Variants in PPP2R2B observed in about 807,000 individuals in gnomAD.
PPP2R2B encodes protein phosphatase 2 regulatory subunit Bbeta, also known as serine/threonine-protein phosphatase 2A 55 kDa regulatory subunit B beta isoform.
Under a neutral mutation model 46.0 loss-of-function variants are expected in PPP2R2B, and 5 were observed. That is an observed-to-expected ratio of 0.11 (90% CI 0.06 to 0.23). The LOEUF (loss-of-function observed/expected upper bound fraction) is 0.23. Ranked by LOEUF, PPP2R2B falls within the 10% of genes least tolerant of loss-of-function variation. The pLI, the probability that PPP2R2B is intolerant of heterozygous loss-of-function variation, is 1.00. For synonymous variants in PPP2R2B, 215 were observed against 206.7 expected, an observed-to-expected ratio of 1.04 and a Z score of -0.34; for missense variants, 367 against 575.0, an observed-to-expected ratio of 0.64 and a Z score of 3.70.
At chr5:146,908,439 A>C (rs549824748) in intron 1 of PPP2R2B, among the ~76,000 whole-genome samples, 133 of 152,110 alleles carry the variant, frequency 8.7e-4, no homozygotes, top group Non-Finnish European at 1.6e-3. Flanking sequence ...TTCAATATGT[A>C]TATTTTTCAA....
intron 1 of PPP2R2B, among the ~76,000 whole-genome samples, chr5:147,026,608 C>T (rs1373912663): frequency 6.6e-6 from 1 of 151,932 alleles, no homozygotes; most frequent in Admixed American, 6.6e-5. Context: ...GCCAACTATA[C>T]CTCAACAAAT....
At chr5:146,841,623 G>A (rs1006919049) in intron 2 of PPP2R2B, among the ~76,000 whole-genome samples, 3 of 152,196 alleles carry the variant, frequency 2.0e-5, no homozygotes, top group African/African-American at 7.2e-5. Context: ...ATGAGTTCAT[G>A]TCCTTTGCAG....
At chr5:146,938,476 G>T (rs1451802883) in intron 1 of PPP2R2B, among the ~76,000 whole-genome samples, 1 of 151,802 alleles carries the variant, frequency 6.6e-6, no homozygotes, top group East Asian at 1.9e-4. Context: ...TAAGTCTGTG[G>T]GTTCAGTTTT....
intron 1 of PPP2R2B, among the ~76,000 whole-genome samples, chr5:146,940,761 C>T (rs2151828962): frequency 6.6e-6 from 1 of 152,258 alleles, no homozygotes; most frequent in South Asian, 2.1e-4. Context: ...CATACATATC[C>T]TCCCCATGCA....
chr5:146,639,401 AT>A (rs1355296254), intron 6 of PPP2R2B, among the ~76,000 whole-genome samples: 2 of 152,044 alleles, frequency 1.3e-5, no homozygotes, highest in Non-Finnish European at 2.9e-5. Context: ...ATCCTTGTAT[AT>A]TGGAATGAAA....
intron 2 of PPP2R2B, among the ~76,000 whole-genome samples, chr5:146,813,727 C>A (rs765981752): frequency 6.6e-6 from 1 of 152,156 alleles, no homozygotes; most frequent in African/African-American, 2.4e-5. Flanking sequence ...GCTGTCTGAA[C>A]GAGTTTGCCT....
intron 1 of PPP2R2B, among the ~76,000 whole-genome samples, chr5:146,944,917 A>T (rs993229856): frequency 5.9e-5 from 9 of 152,192 alleles, no homozygotes; most frequent in Admixed American, 5.9e-4. Context: ...ATTAGTGATT[A>T]GATCAGCTTC....
chr5:146,599,707 G>T (rs1771587643), intron 8 of PPP2R2B, among the ~76,000 whole-genome samples: 1 of 152,158 alleles, frequency 6.6e-6, no homozygotes. Flanking sequence ...ATGCAGGTTT[G>T]TTACATATGT....
At chr5:146,815,367 T>A (rs2151326072) in intron 2 of PPP2R2B, among the ~76,000 whole-genome samples, 1 of 152,360 alleles carries the variant, frequency 6.6e-6, no homozygotes, top group East Asian at 1.9e-4. Flanking sequence ...CATTGTATGC[T>A]TATTGAGAGC....
chr5:146,808,958 GGT>G (rs35023590), intron 2 of PPP2R2B, among the ~76,000 whole-genome samples: 22,860 of 146,154 alleles, frequency 0.16, 1,952 homozygotes, highest in Non-Finnish European at 0.2. Context: ...TGCTAACACT[GGT>G]GTGTGTGTGT....
At chr5:146,901,659 G>A (rs1277431455) in intron 1 of PPP2R2B, among the ~76,000 whole-genome samples, 1 of 152,088 alleles carries the variant, frequency 6.6e-6, no homozygotes, top group Non-Finnish European at 1.5e-5. Context: ...TCCTCATGAA[G>A]CTTTCAGTCT....
intron 2 of PPP2R2B, among the ~76,000 whole-genome samples, chr5:146,724,708 G>A (rs1751741489): frequency 1.3e-5 from 2 of 151,964 alleles, no homozygotes; most frequent in Non-Finnish European, 2.9e-5. Context: ...GCAGGAGCTG[G>A]GCTGATCTTG....
chr5:146,622,504 C>T (rs563850296), intron 7 of PPP2R2B, among the ~76,000 whole-genome samples: 50 of 152,282 alleles, frequency 3.3e-4, no homozygotes, highest in African/African-American at 1.2e-3. Context: ...TTCATTAAAG[C>T]CAAGTTTCCA....
intron 2 of PPP2R2B, among the ~76,000 whole-genome samples, chr5:146,764,227 G>T (rs537499688): frequency 1.3e-5 from 2 of 152,236 alleles, no homozygotes; most frequent in South Asian, 4.1e-4. Context: ...AGTCTGGAGG[G>T]GGGTGGGCAG....
At chr5:146,964,805 G>A (rs1752330651) in intron 1 of PPP2R2B, among the ~76,000 whole-genome samples, 1 of 152,098 alleles carries the variant, frequency 6.6e-6, no homozygotes, top group South Asian at 2.1e-4. Flanking sequence ...GATTACAGGT[G>A]TGAGCCACCG....
chr5:146,690,605 A>G (rs1397393180), intron 5 of PPP2R2B, among the ~76,000 whole-genome samples: 1 of 152,218 alleles, frequency 6.6e-6, no homozygotes, highest in Non-Finnish European at 1.5e-5. Flanking sequence ...CTTCTTCCTC[A>G]TAAGTCCACG....
chr5:146,649,823 T>TG (rs1423268194), intron 6 of PPP2R2B, among the ~76,000 whole-genome samples: 5 of 152,144 alleles, frequency 3.3e-5, no homozygotes, highest in African/African-American at 1.2e-4. Context: ...AATATGTCCT[T>TG]GGGGGTAGAA....
At chr5:146,733,570 G>A (rs1581978355) in intron 2 of PPP2R2B, among the ~76,000 whole-genome samples, 1 of 152,168 alleles carries the variant, frequency 6.6e-6, no homozygotes, top group African/African-American at 2.4e-5. Context: ...GAAGATGACA[G>A]GATACTGAAT....
At chr5:146,657,706 T>C (rs1473808770) in intron 5 of PPP2R2B, among the ~76,000 whole-genome samples, 2 of 152,164 alleles carry the variant, frequency 1.3e-5, no homozygotes, top group Non-Finnish European at 2.9e-5. Context: ...ATGATACTTT[T>C]AATCAAGGCC....
Sources: gnomAD v4.1 joint callset for allele counts (sites outside exome capture counted in the v4.1 genomes callset) on GRCh38, gnomAD v4.1.1 for gene constraint, MANE v1.5 for transcripts, NCBI Gene and HGNC (gene_info 2026-07-23, HGNC 2026-07-21) for gene names.